The following PEX7 variants were observed in gnomAD, a reference collection of about 807,000 sequenced individuals.
PEX7 encodes PTS2 receptor.
In PEX7, 34 loss-of-function variants were observed where a neutral mutation model predicts 47.5. That is an observed-to-expected ratio of 0.72 (90% confidence interval 0.54 to 0.95). PEX7 has a LOEUF of 0.95. PEX7 is among the 40% of genes least tolerant of loss of function. PEX7 has a pLI of 0.00. For synonymous variants in PEX7, 141 were observed against 148.8 expected (o/e 0.95, Z 0.38); for missense variants, 394 against 400.3 (o/e 0.98, Z 0.13).
chr6:136,910,973 G>A (rs188705411), intron 9 of PEX7, among the ~76,000 whole-genome samples: 14 of 151,948 alleles, frequency 9.2e-5, no homozygotes, highest in Admixed American at 6.5e-4. Context: ...TTTAGTTATC[G>A]CTAACATTAT....
chr6:136,887,490 A>G (rs900075883), intron 8 of PEX7, among the ~76,000 whole-genome samples: 2 of 152,184 alleles, frequency 1.3e-5, no homozygotes, highest in African/African-American at 4.8e-5. Flanking sequence ...GTCACTGTAA[A>G]TATGTTCTTA....
chr6:136,851,021 C>A (rs1774740086), intron 5 of PEX7, among the ~76,000 whole-genome samples: 1 of 69,516 alleles, frequency 1.4e-5, no homozygotes, highest in Non-Finnish European at 2.8e-5. Context: ...TTATTATACT[C>A]TAAGTTTTAG....
At position 136,842,296 on chromosome 6, in the gene PEX7, A is replaced by G. The variant is rs564083715; in HGVS notation, c.340-3319A>G. Among the ~76,000 whole-genome samples the G allele has an allele frequency of 8.9e-4, 136 of 152,152 alleles. 1 individual carries two copies. The highest frequency in any genetic ancestry group is 3.1e-3 in the African/African-American group (130 of 41,528). ...AGGCGTGAGCCACCACACTCAGCCT[A>G]TTTCCTTCTTTATGATCCCATTTTT... On this transcript the variant is annotated intron_variant, in intron 3 of 9. Transcript: ENST00000318471.
chr6:136,847,513 A>G (rs909207859), intron 5 of PEX7, among the ~76,000 whole-genome samples: 1 of 151,686 alleles, frequency 6.6e-6, no homozygotes, highest in Non-Finnish European at 1.5e-5. Context: ...TCTTGAATTA[A>G]TTTTTGTATA....
chr6:136,842,642 T>A (rs1774522127), intron 3 of PEX7, among the ~76,000 whole-genome samples: 1 of 152,200 alleles, frequency 6.6e-6, no homozygotes, highest in South Asian at 2.1e-4. Context: ...TAAAGAAAAA[T>A]TTAATTGGTT....
At chr6:136,839,208 T>G (rs924825593) in intron 3 of PEX7, among the ~76,000 whole-genome samples, 3 of 152,048 alleles carry the variant, frequency 2.0e-5, no homozygotes, top group Non-Finnish European at 2.9e-5. Context: ...AAGAGAAAAT[T>G]TAAGTTTCAC....
chr6:136,870,492 A>T (rs1211845943), intron 7 of PEX7, among the ~76,000 whole-genome samples: 2 of 152,090 alleles, frequency 1.3e-5, no homozygotes, highest in East Asian at 3.8e-4. Flanking sequence ...ATTTTTAATG[A>T]TGGTCTCAGT....
chr6:136,826,953 G>A (rs1222195907), intron 3 of PEX7, among the ~76,000 whole-genome samples: 3 of 152,232 alleles, frequency 2.0e-5, no homozygotes, highest in Non-Finnish European at 4.4e-5. Flanking sequence ...TCTGGTTCAT[G>A]TGTCTAGATT....
At chr6:136,862,017 A>G (rs1774972383) in intron 5 of PEX7, among the ~76,000 whole-genome samples, 1 of 140,258 alleles carries the variant, frequency 7.1e-6, no homozygotes, top group African/African-American at 2.6e-5. Context: ...TTTTTTCTGT[A>G]TTTATATATA....
chr6:136,851,089 C>T (rs373845654), intron 5 of PEX7, among the ~76,000 whole-genome samples: 10 of 85,332 alleles, frequency 1.2e-4, no homozygotes, highest in African/African-American at 3.9e-4. Flanking sequence ...CATGCTGGTG[C>T]GCTGCACCCA....
At chr6:136,892,412 T>C (rs1775571641) in intron 8 of PEX7, among the ~76,000 whole-genome samples, 1 of 152,216 alleles carries the variant, frequency 6.6e-6, no homozygotes, top group Non-Finnish European at 1.5e-5. Flanking sequence ...AAAAAATGTA[T>C]GGTGCCATCT....
At chr6:136,896,900 T>A (rs1201961104) in intron 8 of PEX7, among the ~76,000 whole-genome samples, 1 of 152,242 alleles carries the variant, frequency 6.6e-6, no homozygotes, top group Non-Finnish European at 1.5e-5. Context: ...GATTTTGATA[T>A]AATTCACTGT....
At chr6:136,866,473 A>G (rs929297364) in intron 5 of PEX7, among the ~76,000 whole-genome samples, 154 bp from the exon 6 acceptor site, 1 of 152,216 alleles carries the variant, frequency 6.6e-6, no homozygotes, top group Non-Finnish European at 1.5e-5. Context: ...AATAGTTCCT[A>G]TACATTATTA....
At chr6:136,849,448 G>A (rs962991539) in intron 5 of PEX7, among the ~76,000 whole-genome samples, 8 of 152,098 alleles carry the variant, frequency 5.3e-5, no homozygotes, top group African/African-American at 1.9e-4. Context: ...TGATGTTAGG[G>A]TGTCAATTTT....
chr6:136,866,597 G>T (rs1438200341), intron 5 of PEX7, 30 bp from the exon 6 acceptor site: 1 of 1,568,094 alleles, frequency 6.4e-7, no homozygotes, highest in South Asian at 1.1e-5. Context: ...GTGGTGTGAT[G>T]GGAAATGATC....
chr6:136,877,753 C>T (rs967441775), intron 8 of PEX7, among the ~76,000 whole-genome samples: 3 of 151,986 alleles, frequency 2.0e-5, no homozygotes, highest in African/African-American at 7.2e-5. Flanking sequence ...AGTGTGATGC[C>T]TCCAGCTTTG....
At chr6:136,828,562 C>G (rs941919736) in intron 3 of PEX7, among the ~76,000 whole-genome samples, 2 of 152,202 alleles carry the variant, frequency 1.3e-5, no homozygotes, top group African/African-American at 4.8e-5. Context: ...AAATAGCCAT[C>G]GTGCTCTCTT....
intron 8 of PEX7, among the ~76,000 whole-genome samples, chr6:136,887,136 A>G (rs1775479298): frequency 6.6e-6 from 1 of 152,178 alleles, no homozygotes; most frequent in African/African-American, 2.4e-5. Context: ...ATTATTATGT[A>G]TTACCTACAC....
intron 5 of PEX7, among the ~76,000 whole-genome samples, chr6:136,847,042 C>T (rs977924574): frequency 9.2e-5 from 14 of 152,098 alleles, no homozygotes; most frequent in African/African-American, 2.4e-4. Flanking sequence ...TTCTAACTGG[C>T]GTGAGATGGT....
Sources: allele counts gnomAD v4.1 joint callset (sites outside exome capture counted in the v4.1 genomes callset), GRCh38; gene constraint gnomAD v4.1.1; transcripts MANE v1.5; gene names NCBI Gene and HGNC (gene_info 2026-07-23, HGNC 2026-07-21).